Variants in ARL2BP observed in about 807,000 individuals in gnomAD.
ARL2BP encodes ADP-ribosylation factor-like protein 2-binding protein.
ARL2BP carries 19 observed loss-of-function variants against 24.2 expected under a neutral mutation model. The observed-to-expected ratio is 0.79, with a 90% CI of 0.55 to 1.15. ARL2BP has a LOEUF of 1.15. Ranked by LOEUF, ARL2BP falls within the 50% of genes most tolerant of loss-of-function variation. The pLI is 0.00. For synonymous variants in ARL2BP, 56 were observed against 70.5 expected (o/e 0.79, Z 1.03); for missense variants, 160 against 190.4 (o/e 0.84, Z 0.94).
chr16:57,246,208 A>G, intron 2 of ARL2BP, 67 bp downstream of exon 2: 1 of 1,472,164 alleles, frequency 6.8e-7, no homozygotes. Flanking sequence ...ATCAATTTGG[A>G]GAGTTAATTT....
chr16:57,250,682 A>G lies in ARL2BP; in HGVS notation c.390+175A>G, dbSNP rs1785198718. ...GTGGCTGGGACCTTCTCATGTTTTCATGAAACAAGCCCAGGTACCAACTTA... is the reference window on the plus strand; with the variant it reads ...GTGGCTGGGACCTTCTCATGTTTTCGTGAAACAAGCCCAGGTACCAACTTA... On this transcript the variant is annotated intron_variant, in intron 5 of 5. Coordinates refer to ENST00000219204, the MANE Select transcript of ARL2BP (RefSeq NM_012106.4). 3 of 609,872 alleles carry G rather than the reference A, an allele frequency of 4.9e-6. No homozygotes were observed. In the South Asian group the frequency reaches 6.1e-5, roughly 12 times the overall value. The allele number at this position is 609,872 out of a possible 1,614,324, so 37.8% of individuals were successfully genotyped here. A position where few individuals can be genotyped will look rare whatever the true frequency, so the allele number is the denominator to read the frequency against.
Position 57,252,463 on chromosome 16 carries a change from A to T in ARL2BP, c.*196A>T, listed in dbSNP as rs1208772841. 4 of 989,492 alleles carry T rather than the reference A, an allele frequency of 4.0e-6. No homozygotes were observed. The African/African-American group carries it at 6.5e-5, about 16-fold the overall frequency. 61.3% of individuals were successfully genotyped at this position (989,492 alleles called of 1,614,324 possible). A position where few individuals can be genotyped will look rare whatever the true frequency, so the allele number is the denominator to read the frequency against. Reference sequence around the variant, plus strand: ...TATCCTGAAACACCTTCTTGTATTCATTAACCATAGTACTCCTCCCCACCT... The same window carrying T: ...TATCCTGAAACACCTTCTTGTATTCTTTAACCATAGTACTCCTCCCCACCT... On this transcript the variant is annotated 3_prime_UTR_variant, in exon 6 of 6. Coordinates refer to ENST00000219204, the MANE Select transcript of ARL2BP (RefSeq NM_012106.4).
At chr16:57,245,936 G>T in intron 1 of ARL2BP, 144 bp from the exon 2 acceptor site, 1 of 751,886 alleles carries the variant, frequency 1.3e-6, no homozygotes, top group Non-Finnish European at 2.3e-6. Flanking sequence ...AGATCAGTCA[G>T]TCATTCTTAA....
chr16:57,247,768 C>T (rs1279177475), intron 2 of ARL2BP, among the ~76,000 whole-genome samples: 1 of 152,044 alleles, frequency 6.6e-6, no homozygotes, highest in East Asian at 1.9e-4. Flanking sequence ...TCTTTCAGAC[C>T]CCATAATTTT....
chr16:57,248,677 C>CA, intron 3 of ARL2BP, 34 bp downstream of exon 3: 1 of 1,315,676 alleles, frequency 7.6e-7, no homozygotes, highest in Non-Finnish European at 1.0e-6. Context: ...ACCAGGAGGT[C>CA]AGAGTTTTTA....
chr16:57,252,462 C>A lies in ARL2BP; in HGVS notation c.*195C>A. The A allele has an allele frequency of 2.0e-6, 2 of 993,014 alleles. No homozygotes were observed. Among genetic ancestry groups the A allele is most frequent in the Non-Finnish European group, 2.9e-6 (2 of 686,360 alleles). 61.5% of individuals were successfully genotyped at this position (993,014 alleles called of 1,614,324 possible). On this transcript the variant is annotated 3_prime_UTR_variant, in exon 6 of 6. Transcript: ENST00000219204. ...TTATCCTGAAACACCTTCTTGTATT[C>A]ATTAACCATAGTACTCCTCCCCACC...
At position 57,245,320 on chromosome 16, in the gene ARL2BP, T is replaced by G. The variant is rs1029266781; in HGVS notation, c.-48T>G. The G allele has an allele frequency of 1.9e-6, 3 of 1,589,256 alleles. No individual in the cohort carries two copies. Among genetic ancestry groups the G allele is most frequent in the Non-Finnish European group, 2.6e-6 (3 of 1,169,160 alleles). ...CCCCGCCGGGCGGCCGCGCCCTGCATGCGAGTTGGGCCGCGGGCGGGGTTG... is the reference window on the plus strand; with the variant it reads ...CCCCGCCGGGCGGCCGCGCCCTGCAGGCGAGTTGGGCCGCGGGCGGGGTTG... On this transcript the variant is annotated 5_prime_UTR_variant, in exon 1 of 6. An upstream start codon of the reference 5' UTR is lost. Coordinates refer to ENST00000219204, the MANE Select transcript of ARL2BP (RefSeq NM_012106.4).
At position 57,246,130 on chromosome 16, in the gene ARL2BP, A is replaced by C. The variant is rs754369850; in HGVS notation, c.89A>C (p.Asp30Ala). 1.9e-6 allele frequency: 3 copies of C among 1,614,052 alleles called. No homozygotes were observed. Among genetic ancestry groups the C allele is most frequent in the Non-Finnish European group, 2.5e-6 (3 of 1,179,954 alleles). ...EFDAVVGYLE[D>A]IIMDDEFQLL... is the part of the protein sequence containing the mutation. ...GATGCTGTGGTTGGATATTTAGAGGACATTATCATGGGTAAGCTTTTAAGA... is the reference window on the plus strand; with the variant it reads ...GATGCTGTGGTTGGATATTTAGAGGCCATTATCATGGGTAAGCTTTTAAGA... Residue 30 changes from aspartate to alanine, a missense_variant, in exon 2 of 6, where the codon GAC becomes GCC. Physicochemically the swap from Asp to Ala is moderately radical, Grantham distance 126. Transcript: ENST00000219204.
intron 3 of ARL2BP, 72 bp downstream of exon 3, chr16:57,248,715 T>C (rs1442848700): frequency 1.1e-6 from 1 of 890,184 alleles, no homozygotes; most frequent in Non-Finnish European, 1.7e-6. Flanking sequence ...TCAAAAGACA[T>C]TGAAATTTGC....
intron 5 of ARL2BP, 115 bp from the exon 6 acceptor site, chr16:57,252,051 C>T: frequency 2.6e-6 from 2 of 780,782 alleles, no homozygotes; most frequent in East Asian, 2.6e-5. Context: ...GTGTTCCCTT[C>T]CTATGTACTC....
chr16:57,249,957 G>T (rs773707418), intron 4 of ARL2BP, 105 bp downstream of exon 4: 1 of 1,060,776 alleles, frequency 9.4e-7, no homozygotes, highest in Admixed American at 1.8e-5. Context: ...TGTGCATGCC[G>T]TTGGTGGTTA....
rs907786104 is a variant in ARL2BP at position 57,252,252 on chromosome 16, C to G, written c.477C>G (p.Asn159Lys). The change falls in exon 6 of 6, where the codon AAC becomes AAG. Residue 159 changes from asparagine to lysine, a missense_variant. Transcript: ENST00000219204. ...CATCTTCTCTGCCAGCTTCCCAGAA[C>G]AATCTGCGGCACTAGGTCCTACCTC... ...CKSSSLPASQ[N>K]NLRH is the part of the protein sequence containing the mutation. 3.7e-6 allele frequency: 6 copies of G among 1,614,060 alleles called. No individual in the cohort carries two copies. The highest frequency in any genetic ancestry group is 3.3e-4 in the Middle Eastern group (2 of 6,084).
intron 1 of ARL2BP, chr16:57,245,725 C>G (rs780264682): frequency 1.9e-6 from 1 of 519,308 alleles, no homozygotes; most frequent in Non-Finnish European, 3.4e-6. Context: ...CCACCCCTCC[C>G]TGGCCCCCGC....
Position 57,253,108 on chromosome 16 carries a change from C to T in ARL2BP, c.*841C>T, listed in dbSNP as rs2075413738. 6.6e-6 allele frequency: 1 copy of T among 152,590 alleles called. No homozygotes were observed. The highest frequency in any genetic ancestry group is 2.4e-5 in the African/African-American group (1 of 41,426). The allele number at this position is 152,590 out of a possible 1,614,324, so 9.5% of individuals were successfully genotyped here. A position where few individuals can be genotyped will look rare whatever the true frequency, so the allele number is the denominator to read the frequency against. ...AATGCTTTCTACATTGACATTCATT[C>T]CTATTTTACTGGGCACCTATGAATG... On this transcript the variant is annotated 3_prime_UTR_variant, in exon 6 of 6. Transcript: ENST00000219204.
intron 3 of ARL2BP, chr16:57,249,004 A>T (rs1422330192): frequency 6.5e-6 from 1 of 154,012 alleles, no homozygotes; most frequent in Non-Finnish European, 1.4e-5. Flanking sequence ...CTCTAAAAAA[A>T]AAATGATAAT....
At chr16:57,246,608 C>G (rs2075391230) in intron 2 of ARL2BP, among the ~76,000 whole-genome samples, 2 of 152,100 alleles carry the variant, frequency 1.3e-5, no homozygotes, top group Non-Finnish European at 2.9e-5. Flanking sequence ...CAAGACCATC[C>G]TGGCTAACAC....
chr16:57,245,508 G>A (rs2075387375), intron 1 of ARL2BP, 103 bp downstream of exon 1: 2 of 1,480,768 alleles, frequency 1.4e-6, no homozygotes, highest in Non-Finnish European at 1.8e-6. Context: ...GGCCGGGCCG[G>A]GCCGGGCCGG....
At chr16:57,245,518 G>T in intron 1 of ARL2BP, 113 bp downstream of exon 1, 1 of 1,407,774 alleles carries the variant, frequency 7.1e-7, no homozygotes, top group East Asian at 2.5e-5. Flanking sequence ...GGCCGGGCCG[G>T]GCAGGGTGGG....
chr16:57,252,298 T>G lies in ARL2BP; in HGVS notation c.*31T>G. 2 of 1,614,168 alleles carry G rather than the reference T, an allele frequency of 1.2e-6. No homozygotes were observed. The highest frequency in any genetic ancestry group is 1.7e-6 in the Non-Finnish European group (2 of 1,180,028). On this transcript the variant is annotated 3_prime_UTR_variant, in exon 6 of 6. Coordinates refer to ENST00000219204, the MANE Select transcript of ARL2BP (RefSeq NM_012106.4). ...ACCTCCAGCCAATGAATGGGATCAT[T>G]CTGGATGTCACCAGCCCAATAGGCT...
Sources: gnomAD v4.1 joint callset for allele counts (sites outside exome capture counted in the v4.1 genomes callset) on GRCh38, gnomAD v4.1.1 for gene constraint, MANE v1.5 for transcripts, NCBI Gene and HGNC (gene_info 2026-07-23, HGNC 2026-07-21) for gene names.